Variants in PPP2R2B observed in about 807,000 individuals in gnomAD.
PPP2R2B encodes protein phosphatase 2 regulatory subunit Bbeta.
A neutral mutation model predicts 46.0 loss-of-function variants in PPP2R2B; 5 were observed. The observed-to-expected ratio is 0.11, with a 90% confidence interval of 0.06 to 0.23. The LOEUF (loss-of-function observed/expected upper bound fraction) is 0.23, where lower values mean the gene tolerates loss of function less well. Ranked by LOEUF, PPP2R2B falls within the 10% of genes least tolerant of loss-of-function variation. The pLI is 1.00. For synonymous variants in PPP2R2B, 215 were observed against 206.7 expected, an observed-to-expected ratio of 1.04 and a Z score of -0.34; for missense variants, 367 against 575.0, an observed-to-expected ratio of 0.64 and a Z score of 3.70.
intron 1 of PPP2R2B, among the ~76,000 whole-genome samples, chr5:147,049,557 C>T (rs1360410348): frequency 6.6e-6 from 1 of 152,040 alleles, no homozygotes; most frequent in Non-Finnish European, 1.5e-5. Context: ...CACTTACGAG[C>T]AAGTATATGT....
chr5:146,716,686 G>C (rs1047453335), intron 2 of PPP2R2B, among the ~76,000 whole-genome samples: 2 of 152,116 alleles, frequency 1.3e-5, no homozygotes, highest in African/African-American at 4.8e-5. Flanking sequence ...TCTTCAATCT[G>C]GAAATTATCC....
chr5:146,889,658 T>A (rs1223499259), intron 1 of PPP2R2B, among the ~76,000 whole-genome samples: 1 of 152,238 alleles, frequency 6.6e-6, no homozygotes, highest in African/African-American at 2.4e-5. Context: ...TTGGTTTATT[T>A]TAATCTGTAA....
intron 7 of PPP2R2B, among the ~76,000 whole-genome samples, chr5:146,606,352 ACT>A (rs1206868339): frequency 1.3e-5 from 2 of 152,116 alleles, no homozygotes; most frequent in African/African-American, 4.8e-5. Context: ...AGGCCTGTTC[ACT>A]CTGTCTTAGA....
At chr5:147,075,568 A>G (rs1481906505) in intron 2 of PPP2R2B, among the ~76,000 whole-genome samples, 12 of 152,050 alleles carry the variant, frequency 7.9e-5, no homozygotes, top group Admixed American at 1.3e-4. Context: ...ATACCTTTGT[A>G]CCTCATAGCT....
intron 1 of PPP2R2B, among the ~76,000 whole-genome samples, chr5:146,994,227 G>C (rs1160874454): frequency 6.6e-6 from 1 of 152,170 alleles, no homozygotes; most frequent in South Asian, 2.1e-4. Context: ...TGGTGAGATA[G>C]TGAGGATATT....
intron 2 of PPP2R2B, among the ~76,000 whole-genome samples, chr5:146,713,331 A>G (rs1780310417): frequency 6.6e-6 from 1 of 152,226 alleles, no homozygotes. Flanking sequence ...GGAGGTTCAC[A>G]TGATATAGAG....
intron 1 of PPP2R2B, among the ~76,000 whole-genome samples, chr5:146,931,704 G>A (rs188836888): frequency 9.7e-4 from 147 of 152,236 alleles, no homozygotes; most frequent in Non-Finnish European, 1.6e-3. Flanking sequence ...TGGTAGAAAG[G>A]ACTGAAATTG....
At chr5:146,954,871 A>G (rs992005947) in intron 1 of PPP2R2B, among the ~76,000 whole-genome samples, 1 of 151,836 alleles carries the variant, frequency 6.6e-6, no homozygotes, top group Non-Finnish European at 1.5e-5. Flanking sequence ...TTTTCTAATC[A>G]GTAAAATAAA....
chr5:147,027,466 C>T (rs1755578841), intron 1 of PPP2R2B, among the ~76,000 whole-genome samples: 1 of 151,998 alleles, frequency 6.6e-6, no homozygotes, highest in African/African-American at 2.4e-5. Context: ...CACCTCGTCT[C>T]TACTAAAAAT....
At chr5:146,938,754 T>A (rs1764233218) in intron 1 of PPP2R2B, among the ~76,000 whole-genome samples, 1 of 55,096 alleles carries the variant, frequency 1.8e-5, no homozygotes, top group Non-Finnish European at 3.0e-5. Context: ...TAATAGCCTT[T>A]TTTTTTTTTT....
At chr5:146,859,217 A>G (rs1760842722) in intron 2 of PPP2R2B, among the ~76,000 whole-genome samples, 1 of 152,186 alleles carries the variant, frequency 6.6e-6, no homozygotes, top group Non-Finnish European at 1.5e-5. Flanking sequence ...GAATAAAGGA[A>G]ATTTACTCTT....
intron 7 of PPP2R2B, among the ~76,000 whole-genome samples, chr5:146,609,652 G>A (rs1262866146): frequency 6.0e-5 from 9 of 149,332 alleles, no homozygotes; most frequent in Non-Finnish European, 1.2e-4. Context: ...TGCGCGAGCC[G>A]AAGCAGGGCG....
intron 1 of PPP2R2B, among the ~76,000 whole-genome samples, chr5:146,895,962 A>G (rs1342314391): frequency 6.6e-6 from 1 of 152,152 alleles, no homozygotes; most frequent in Non-Finnish European, 1.5e-5. Flanking sequence ...GAAAATCGCA[A>G]AACAAACTGT....
At chr5:147,061,055 T>C (rs1757242874) in intron 2 of PPP2R2B, among the ~76,000 whole-genome samples, 1 of 152,220 alleles carries the variant, frequency 6.6e-6, no homozygotes, top group Non-Finnish European at 1.5e-5. Flanking sequence ...AAGAGGATCC[T>C]CTTTGTGGTT....
intron 2 of PPP2R2B, among the ~76,000 whole-genome samples, chr5:146,712,180 A>G (rs1780249078): frequency 6.6e-6 from 1 of 152,240 alleles, no homozygotes; most frequent in Admixed American, 6.5e-5. Flanking sequence ...CTTAGCAAAT[A>G]AAATGGAAAG....
intron 6 of PPP2R2B, among the ~76,000 whole-genome samples, chr5:146,639,533 G>A (rs1775054328): frequency 6.6e-6 from 1 of 152,158 alleles, no homozygotes; most frequent in African/African-American, 2.4e-5. Context: ...AGAGCTTGGG[G>A]GATCAGGACA....
chr5:146,916,488 A>G (rs1317188482), intron 1 of PPP2R2B, among the ~76,000 whole-genome samples: 1 of 152,206 alleles, frequency 6.6e-6, no homozygotes, highest in African/African-American at 2.4e-5. Context: ...CAAACTCAAT[A>G]TCTGACACGT....
intron 2 of PPP2R2B, among the ~76,000 whole-genome samples, chr5:146,844,748 T>C (rs756211645): frequency 6.6e-6 from 1 of 152,250 alleles, no homozygotes; most frequent in Non-Finnish European, 1.5e-5. Flanking sequence ...TCCAGCACTT[T>C]GCATCTATAG....
chr5:146,931,470 A>G (rs931887235), intron 1 of PPP2R2B, among the ~76,000 whole-genome samples: 2 of 152,136 alleles, frequency 1.3e-5, no homozygotes, highest in Non-Finnish European at 2.9e-5. Flanking sequence ...ACTTAACCCC[A>G]GTCAAGGGTA....
Sources: gnomAD v4.1 joint callset for allele counts (sites outside exome capture counted in the v4.1 genomes callset) on GRCh38, gnomAD v4.1.1 for gene constraint, MANE v1.5 for transcripts, NCBI Gene and HGNC (gene_info 2026-07-23, HGNC 2026-07-21) for gene names.